Variants in ZHX2 observed in about 807,000 individuals in gnomAD.
ZHX2 encodes zinc fingers and homeoboxes protein 2.
Under a neutral mutation model 21.9 loss-of-function variants are expected in ZHX2, and 6 were observed. The ratio of observed to expected loss-of-function variants is 0.27; its 90% confidence interval spans 0.15 to 0.54. ZHX2 has a LOEUF of 0.54. ZHX2 is among the 20% of genes least tolerant of loss of function. The pLI, the probability that ZHX2 is intolerant of heterozygous loss-of-function variation, is 0.95. For synonymous variants in ZHX2, 434 were observed against 437.1 expected (o/e 0.99, Z 0.09); for missense variants, 908 against 1,090.7 (o/e 0.83, Z 2.36).
intron 2 of ZHX2, among the ~76,000 whole-genome samples, chr8:122,910,029 T>C (rs1489468220): frequency 6.6e-6 from 1 of 152,102 alleles, no homozygotes; most frequent in East Asian, 1.9e-4. Context: ...TCTGCTGTTC[T>C]GTCTACTCAG....
At chr8:122,868,545 CA>C (rs1407857055) in intron 2 of ZHX2, among the ~76,000 whole-genome samples, 5 of 151,660 alleles carry the variant, frequency 3.3e-5, no homozygotes, top group African/African-American at 1.2e-4. Context: ...ACTAAAAATA[CA>C]AAAAATTAGC....
In ZHX2 at chr8:122,959,044, C is replaced by G. The variant is rs140718893; in HGVS notation, c.*4+5016C>G. ...GTCTGATTCAGAACCTTCCCACCAA[C>G]CTACATGTGCAAGCCACCTTCCCAT... is the stretch of plus-strand genomic sequence containing the variant. On this transcript the variant is annotated intron_variant, in intron 3 of 3. Transcript: ENST00000314393. Among the ~76,000 whole-genome samples, 1,251 of 152,308 alleles carry G rather than the reference C, an allele frequency of 8.2e-3. 10 individuals carry two copies. Among genetic ancestry groups the G allele is most frequent in the African/African-American group, 0.029 (1,196 of 41,566 alleles).
At chr8:122,821,263 C>T (rs532745650) in intron 1 of ZHX2, among the ~76,000 whole-genome samples, 2 of 152,098 alleles carry the variant, frequency 1.3e-5, no homozygotes, top group African/African-American at 2.4e-5. Context: ...CCTGCATGGA[C>T]GGGAACTAGA....
chr8:122,849,666 C>G (rs1274631513), intron 1 of ZHX2, among the ~76,000 whole-genome samples: 2 of 152,080 alleles, frequency 1.3e-5, no homozygotes, highest in Non-Finnish European at 2.9e-5. Flanking sequence ...GATTTAGGGC[C>G]CATCAGGATA....
chr8:122,869,625 G>A (rs987362354), intron 2 of ZHX2, among the ~76,000 whole-genome samples: 3 of 152,228 alleles, frequency 2.0e-5, no homozygotes, highest in Non-Finnish European at 2.9e-5. Context: ...ACTCCATGCA[G>A]GTCCTGCAGC....
intron 2 of ZHX2, among the ~76,000 whole-genome samples, chr8:122,900,571 C>T (rs996448809): frequency 1.3e-5 from 2 of 152,156 alleles, no homozygotes; most frequent in African/African-American, 4.8e-5. Flanking sequence ...TTTCTAGTTG[C>T]AGTGACTTCT....
At chr8:122,790,201 G>C (rs996051567) in intron 1 of ZHX2, among the ~76,000 whole-genome samples, 2 of 152,132 alleles carry the variant, frequency 1.3e-5, no homozygotes, top group Non-Finnish European at 2.9e-5. Flanking sequence ...GAATGCTCTA[G>C]CTGAAAAAAA....
intron 2 of ZHX2, among the ~76,000 whole-genome samples, chr8:122,925,448 C>A (rs2130107270): frequency 6.6e-6 from 1 of 152,224 alleles, no homozygotes; most frequent in East Asian, 1.9e-4. Flanking sequence ...TCTTGACCCA[C>A]TAGGGGCGAG....
chr8:122,836,372 G>T (rs1275325481), intron 1 of ZHX2, among the ~76,000 whole-genome samples: 1 of 152,170 alleles, frequency 6.6e-6, no homozygotes, highest in Non-Finnish European at 1.5e-5. Flanking sequence ...TCCTTTGTCC[G>T]GCTGCTGTGG....
intron 2 of ZHX2, among the ~76,000 whole-genome samples, chr8:122,887,330 A>G (rs1278047941): frequency 6.6e-6 from 1 of 151,596 alleles, no homozygotes; most frequent in Admixed American, 6.6e-5. Flanking sequence ...CCTGGCCAAC[A>G]TGGTAAAACC....
intron 3 of ZHX2, among the ~76,000 whole-genome samples, chr8:122,968,716 A>G (rs1052356770): frequency 2.0e-5 from 3 of 151,940 alleles, no homozygotes. Flanking sequence ...GTGAGCGCCT[A>G]TAATCCCAGC....
At chr8:122,830,919 G>A (rs776737530) in intron 1 of ZHX2, among the ~76,000 whole-genome samples, 10 of 152,182 alleles carry the variant, frequency 6.6e-5, no homozygotes, top group African/African-American at 9.7e-5. Flanking sequence ...AGCTTGGTGA[G>A]TTGGGCTTTA....
intron 2 of ZHX2, among the ~76,000 whole-genome samples, chr8:122,866,958 G>T (rs547299024): frequency 1.5e-4 from 22 of 151,650 alleles, no homozygotes; most frequent in Non-Finnish European, 2.9e-4. Flanking sequence ...CCAAGTAGCT[G>T]GGATTACAGG....
chr8:122,941,456 C>A (rs866335197), intron 2 of ZHX2, among the ~76,000 whole-genome samples: 11 of 152,144 alleles, frequency 7.2e-5, no homozygotes, highest in African/African-American at 2.7e-4. Flanking sequence ...TTCTGTGGAT[C>A]GTGTTTATAA....
At chr8:122,920,163 A>T (rs1226794581) in intron 2 of ZHX2, among the ~76,000 whole-genome samples, 1 of 152,164 alleles carries the variant, frequency 6.6e-6, no homozygotes, top group Non-Finnish European at 1.5e-5. Context: ...AATTCCAGCT[A>T]CTTGAGAGAC....
intron 3 of ZHX2, among the ~76,000 whole-genome samples, chr8:122,970,459 C>T (rs931741126): frequency 4.6e-5 from 7 of 152,180 alleles, no homozygotes; most frequent in Non-Finnish European, 8.8e-5. Flanking sequence ...AGCCCGTGGG[C>T]TCTGTGCAAT....
At chr8:122,811,628 A>G (rs1308933048) in intron 1 of ZHX2, among the ~76,000 whole-genome samples, 1 of 152,198 alleles carries the variant, frequency 6.6e-6, no homozygotes, top group East Asian at 1.9e-4. Context: ...TGATGTTTGC[A>G]GGAGAGTAAC....
At chr8:122,954,540 C>G (rs563000762) in intron 3 of ZHX2, among the ~76,000 whole-genome samples, 1 of 152,296 alleles carries the variant, frequency 6.6e-6, no homozygotes, top group African/African-American at 2.4e-5. Context: ...AACTCCTGGA[C>G]TCAAGGAATT....
chr8:122,784,134 G>A (rs1249533982), intron 1 of ZHX2, among the ~76,000 whole-genome samples: 1 of 152,246 alleles, frequency 6.6e-6, no homozygotes, highest in Non-Finnish European at 1.5e-5. Context: ...TGTAAGTGCA[G>A]TGTATCTTGA....
Sources: allele counts gnomAD v4.1 joint callset (sites outside exome capture counted in the v4.1 genomes callset), GRCh38; gene constraint gnomAD v4.1.1; transcripts MANE v1.5; gene names NCBI Gene and HGNC (gene_info 2026-07-23, HGNC 2026-07-21).